Variants in BARD1 observed in about 807,000 individuals in gnomAD.
BARD1 encodes BRCA1 associated RING domain 1.
BARD1 carries 73 observed loss-of-function variants against 77.0 expected under a neutral mutation model. The observed-to-expected ratio is 0.95, with a 90% CI of 0.79 to 1.15. The LOEUF (loss-of-function observed/expected upper bound fraction) is 1.15. Among genes scored for constraint, BARD1 ranks in the 50% most tolerant of loss-of-function variants. The probability of loss-of-function intolerance (pLI) is 0.00; values close to 1 mark genes in which losing one functional copy is unlikely to be tolerated. For missense variants in BARD1, 993 were observed against 938.8 expected (o/e 1.06, Z -0.75); for synonymous variants, 384 against 338.0 (o/e 1.14, Z -1.49).
At chr2:214,774,764 C>T (rs1694666048) in intron 4 of BARD1, among the ~76,000 whole-genome samples, 1 of 152,226 alleles carries the variant, frequency 6.6e-6, no homozygotes, top group Non-Finnish European at 1.5e-5. Context: ...TTCAACTTCA[C>T]TGAAATCTGT....
intron 4 of BARD1, among the ~76,000 whole-genome samples, 177 bp downstream of exon 4, chr2:214,780,383 C>T (rs543284038): frequency 6.6e-6 from 1 of 152,292 alleles, no homozygotes; most frequent in Admixed American, 6.5e-5. Flanking sequence ...GGGGCCACTG[C>T]TCCAACTGAA....
At chr2:214,755,042 T>C (rs1693629205) in intron 6 of BARD1, among the ~76,000 whole-genome samples, 1 of 152,190 alleles carries the variant, frequency 6.6e-6, no homozygotes. Flanking sequence ...CCCACTGATG[T>C]ATTTTAACAG....
intron 9 of BARD1, among the ~76,000 whole-genome samples, chr2:214,733,775 T>A (rs940529126): frequency 1.3e-5 from 2 of 152,190 alleles, no homozygotes; most frequent in African/African-American, 4.8e-5. Context: ...TACATCCATG[T>A]TTTAAAGATA....
chr2:214,798,772 G>GAAAAAAAA (rs10707828), intron 1 of BARD1, among the ~76,000 whole-genome samples: 4 of 127,488 alleles, frequency 3.1e-5, no homozygotes, highest in South Asian at 2.6e-4. Context: ...ATTAAAAAAA[G>GAAAAAAAA]AAAAAAAAAA....
chr2:214,765,330 A>G (rs1374721070), intron 6 of BARD1, among the ~76,000 whole-genome samples: 1 of 152,194 alleles, frequency 6.6e-6, no homozygotes, highest in Non-Finnish European at 1.5e-5. Flanking sequence ...CACTCCTTGT[A>G]TATTAATAAG....
At chr2:214,793,345 A>G (rs1362932702) in intron 2 of BARD1, among the ~76,000 whole-genome samples, 1 of 152,210 alleles carries the variant, frequency 6.6e-6, no homozygotes, top group Non-Finnish European at 1.5e-5. Flanking sequence ...CTCAAAAAAA[A>G]TTGTAAAATG....
intron 3 of BARD1, among the ~76,000 whole-genome samples, chr2:214,786,189 A>T (rs1447114933): frequency 1.3e-5 from 2 of 152,040 alleles, no homozygotes; most frequent in African/African-American, 4.8e-5. Context: ...GTGTTCAATA[A>T]CATTTTCAAA....
intron 1 of BARD1, among the ~76,000 whole-genome samples, chr2:214,798,651 C>T (rs1218623575): frequency 6.6e-6 from 1 of 151,956 alleles, no homozygotes; most frequent in Non-Finnish European, 1.5e-5. Context: ...GCCACCTTCA[C>T]CACTACCTAA....
intron 4 of BARD1, among the ~76,000 whole-genome samples, chr2:214,778,211 C>T (rs1177149080): frequency 7.9e-6 from 1 of 127,378 alleles, no homozygotes; most frequent in African/African-American, 2.9e-5. Flanking sequence ...CCTCCCCCCA[C>T]CCCCAAAAAA....
At chr2:214,776,509 T>G (rs1052714871) in intron 4 of BARD1, among the ~76,000 whole-genome samples, 1 of 152,198 alleles carries the variant, frequency 6.6e-6, no homozygotes, top group Admixed American at 6.5e-5. Flanking sequence ...ACATGAGTTA[T>G]GAAGATATTC....
rs1217518657 is a variant in BARD1, at chr2:214,809,580, T to C, written c.-11A>G. 3 of 1,540,494 alleles carry C rather than the reference T, an allele frequency of 1.9e-6. No individual in the cohort carries two copies. The highest frequency in any genetic ancestry group is 2.6e-6 in the Non-Finnish European group (3 of 1,146,344). On this transcript the variant is annotated 5_prime_UTR_variant, in exon 1 of 11. Transcript: ENST00000260947. Reference sequence around the variant, plus strand: ...CCGATTATCCGGCATCGTCCCGCCTTCGGATGAAAGGCTCCTCGCAGAGCG... The same window carrying C: ...CCGATTATCCGGCATCGTCCCGCCTCCGGATGAAAGGCTCCTCGCAGAGCG...
chr2:214,733,733 A>G (rs751022190), intron 9 of BARD1, among the ~76,000 whole-genome samples: 9 of 152,162 alleles, frequency 5.9e-5, no homozygotes, highest in Non-Finnish European at 1.0e-4. Flanking sequence ...GCAATCCACT[A>G]TCAAATTTAA....
At chr2:214,752,633 T>C (rs991253559) in intron 6 of BARD1, 78 bp from the exon 7 acceptor site, 10 of 1,030,384 alleles carry the variant, frequency 9.7e-6, no homozygotes, top group Non-Finnish European at 1.5e-5. Context: ...CTTAATAATA[T>C]ACAATTTTAA....
intron 9 of BARD1, among the ~76,000 whole-genome samples, chr2:214,736,634 C>G (rs75074986): frequency 0.12 from 18,100 of 152,006 alleles, 1,437 homozygotes; most frequent in African/African-American, 0.22. Flanking sequence ...GGCATCTATT[C>G]CTCCTGAAAA....
chr2:214,780,880 T>G lies in BARD1; in HGVS notation c.994A>C (p.Ile332Leu), dbSNP rs543606863. 5 of 1,614,136 alleles carry G rather than the reference T, an allele frequency of 3.1e-6. No individual in the cohort carries two copies. The African/African-American group carries it at 6.7e-5, about 22-fold the overall frequency. ...RGHHNRLSSPISKRCRTSILS... is the reference protein window; with the variant it reads ...RGHHNRLSSPLSKRCRTSILS... The stretch of plus-strand genomic sequence containing the variant: ...ATGCTGGTTCTACATCTCTTAGAAA[T>G]GGGACTGGAAAGTCTATTGTGATGG... The change falls in exon 4 of 11, where the codon ATT becomes CTT. Residue 332 changes from isoleucine (I) to leucine (L), a missense_variant. Physicochemically the swap from Ile to Leu is conservative, Grantham distance 5. Coordinates refer to ENST00000260947, the MANE Select transcript of BARD1 (RefSeq NM_000465.4).
rs2106039216 is a variant in BARD1, at chr2:214,752,569, T to C, written c.1569-14A>G. ...CCAAATATATTACTGGTAAAATAAG[T>C]GCAGATGTGTTTAAGTAAGTCAAAT... On this transcript the variant is annotated splice_polypyrimidine_tract_variant and intron_variant, in intron 6 of 10. Transcript: ENST00000260947. 3 of 1,593,920 alleles carry C rather than the reference T, an allele frequency of 1.9e-6. No individual in the cohort carries two copies. Among genetic ancestry groups the C allele is most frequent in the African/African-American group, 1.3e-5 (1 of 74,596 alleles).
chr2:214,790,944 G>C (rs529514373), intron 3 of BARD1, among the ~76,000 whole-genome samples: 2 of 152,214 alleles, frequency 1.3e-5, no homozygotes, highest in African/African-American at 4.8e-5. Context: ...GGGAGAGAAA[G>C]GTAGATCACA....
chr2:214,732,453 T>G (rs2105994485), intron 9 of BARD1, among the ~76,000 whole-genome samples: 1 of 151,872 alleles, frequency 6.6e-6, no homozygotes, highest in South Asian at 2.1e-4. Context: ...TGGGGCGCAG[T>G]GGCGCAATCT....
In BARD1 at chr2:214,743,011, A is replaced by G. The variant is rs754305525; in HGVS notation, c.1903+2056T>C. ...AGATTTAAAAGGAAAAAGAAAGTTC[A>G]AAACTAAGTGAGACAAATTAGTCCA... is the stretch of plus-strand genomic sequence containing the variant. On this transcript the variant is annotated intron_variant, in intron 9 of 10. Coordinates refer to ENST00000260947, the MANE Select transcript of BARD1 (RefSeq NM_000465.4). 1.1e-3 allele frequency among the ~76,000 whole-genome samples: 164 copies of G among 152,374 alleles called. 3 individuals are homozygous for G. The highest frequency in any genetic ancestry group is 6.8e-3 in the Middle Eastern group (2 of 294).
Sources: allele counts gnomAD v4.1 joint callset (sites outside exome capture counted in the v4.1 genomes callset), GRCh38; gene constraint gnomAD v4.1.1; transcripts MANE v1.5; gene names NCBI Gene and HGNC (gene_info 2026-07-23, HGNC 2026-07-21).